Variants in DCN observed in about 807,000 individuals in gnomAD.
DCN encodes the protein decorin.
Under a neutral mutation model 36.5 loss-of-function variants are expected in DCN, and 17 were observed. That is an observed-to-expected ratio of 0.47 (90% CI 0.32 to 0.70). The LOEUF (loss-of-function observed/expected upper bound fraction) is 0.70. DCN is among the 30% of genes least tolerant of loss of function. The pLI, the probability that DCN is intolerant of heterozygous loss-of-function variation, is 0.04. For missense variants in DCN, 389 were observed against 430.1 expected, an observed-to-expected ratio of 0.90 and a Z score of 0.84; for synonymous variants, 163 against 161.4, an observed-to-expected ratio of 1.01 and a Z score of -0.07.
intron 4 of DCN, among the ~76,000 whole-genome samples, chr12:91,157,633 AT>A (rs34946830): frequency 1.1e-3 from 159 of 146,982 alleles, no homozygotes; most frequent in African/African-American, 2.1e-3. Context: ...GTTTAGAGAA[AT>A]TTTTTTTTTT....
chr12:91,160,067 TTAAC>T (rs1278606607), intron 3 of DCN, among the ~76,000 whole-genome samples: 3 of 152,244 alleles, frequency 2.0e-5, no homozygotes, highest in Non-Finnish European at 2.9e-5. Flanking sequence ...ACATAATCAT[TTAAC>T]TAATCCTGAA....
Position 91,164,678 on chromosome 12 carries a change from G to A in DCN, c.251C>T (p.Thr84Ile). The change falls in exon 3 of 8, where the codon ACT (threonine) becomes ATT (isoleucine). Residue 84 changes from threonine (T) to isoleucine (I), a missense_variant. Thr to Ile is a moderately conservative substitution (Grantham distance 89). Coordinates refer to ENST00000052754, the MANE Select transcript of DCN (RefSeq NM_001920.5). The stretch of plus-strand genomic sequence containing the variant: ...TTTGTTGTTTTGCAGGTCTAGCAGA[G>A]TTGTGTCAGGGGGAAGATCCTTTGG... ...KVPKDLPPDT[T>I]LLDLQNNKIT... 1 of 1,612,716 alleles carries A rather than the reference G, an allele frequency of 6.2e-7. No individual in the cohort carries two copies. Among genetic ancestry groups the A allele is most frequent in the Non-Finnish European group, 8.5e-7 (1 of 1,178,750 alleles).
At position 91,158,420 on chromosome 12, in the gene DCN, C is replaced by G; in HGVS notation, c.414G>C (p.Lys138Asn). 1 of 1,610,212 alleles carries G rather than the reference C, an allele frequency of 6.2e-7. No individual in the cohort carries two copies. The part of the protein sequence containing the change: ...LVKLERLYLS[K>N]NQLKELPEKM... Reference sequence around the variant, plus strand: ...TTTCTGGCAATTCCTTCAGCTGATTCTTGGACAGATAAAGTCGTTCCAACT... The same window carrying G: ...TTTCTGGCAATTCCTTCAGCTGATTGTTGGACAGATAAAGTCGTTCCAACT... The change falls in exon 4 of 8, where the codon AAG becomes AAC. Residue 138 changes from lysine to asparagine, a missense_variant. Physicochemically the swap from Lys to Asn is moderately conservative, Grantham distance 94. Coordinates refer to ENST00000052754, the MANE Select transcript of DCN (RefSeq NM_001920.5).
chr12:91,157,043 T>G (rs2121203472), intron 5 of DCN, 32 bp downstream of exon 5: 2 of 1,475,268 alleles, frequency 1.4e-6, no homozygotes, highest in East Asian at 2.3e-5. Flanking sequence ...GAATTTAAAT[T>G]TTTCAAAATG....
At chr12:91,148,604 T>A (rs1412426241) in intron 7 of DCN, among the ~76,000 whole-genome samples, 1 of 151,014 alleles carries the variant, frequency 6.6e-6, no homozygotes, top group African/African-American at 2.4e-5. Flanking sequence ...TAATCCCAGC[T>A]ACTCGGGAGG....
intron 2 of DCN, among the ~76,000 whole-genome samples, chr12:91,178,025 T>C (rs1220846432): frequency 6.6e-6 from 1 of 152,076 alleles, no homozygotes; most frequent in Non-Finnish European, 1.5e-5. Context: ...TTTTAGAACA[T>C]AAGACTTTTT....
At chr12:91,146,812 G>A (rs757103014) in intron 7 of DCN, among the ~76,000 whole-genome samples, 62 of 151,914 alleles carry the variant, frequency 4.1e-4, no homozygotes, top group Non-Finnish European at 7.6e-4. Flanking sequence ...CATTATCCTT[G>A]AGCTCCAATT....
intron 6 of DCN, among the ~76,000 whole-genome samples, 166 bp downstream of exon 6, chr12:91,152,930 T>C (rs967633171): frequency 6.6e-6 from 1 of 152,106 alleles, no homozygotes; most frequent in African/African-American, 2.4e-5. Flanking sequence ...ATTGGCTTCT[T>C]CTCAAGAAAT....
chr12:91,160,772 A>G (rs1199403918), intron 3 of DCN, among the ~76,000 whole-genome samples: 2 of 152,176 alleles, frequency 1.3e-5, no homozygotes, highest in African/African-American at 4.8e-5. Context: ...AATTAAAAAA[A>G]TTTTCCTTAC....
Position 91,151,876 on chromosome 12 carries a change from G to A in DCN, c.747-84C>T, listed in dbSNP as rs945216231. On this transcript the variant is annotated intron_variant, in intron 6 of 7. Transcript: ENST00000052754. ...ATTGTGTAGTTAATCAAGTCTATAG[G>A]AAAGGACATTTTTTGTTTTTGCACT... is the stretch of plus-strand genomic sequence containing the variant. 20 of 1,548,252 alleles carry A rather than the reference G, an allele frequency of 1.3e-5. 1 individual carries two copies. The Middle Eastern group carries it at 6.7e-4, about 52-fold the overall frequency.
intron 6 of DCN, among the ~76,000 whole-genome samples, chr12:91,152,726 A>G (rs1488061690): frequency 6.6e-6 from 1 of 152,148 alleles, no homozygotes; most frequent in East Asian, 1.9e-4. Flanking sequence ...TTTCATTTTA[A>G]TGGATTTTCA....
chr12:91,176,278 T>C (rs1883281694), intron 2 of DCN: 1 of 152,116 alleles, frequency 6.6e-6, no homozygotes, highest in Non-Finnish European at 1.5e-5. Context: ...AATATGGTTT[T>C]AAAAACAAAT....
rs779940278 is a variant in DCN, at chr12:91,143,474, C to T, written c.*2584G>A. On this transcript the variant is annotated 3_prime_UTR_variant, in exon 8 of 8. Transcript: ENST00000052754. Reference sequence around the variant, plus strand: ...GTTTGAAATGCAGAATCTCAGACCTCGATCCAGAACTGACACATAAGAATT... The same window carrying T: ...GTTTGAAATGCAGAATCTCAGACCTTGATCCAGAACTGACACATAAGAATT... 7.9e-5 allele frequency: 12 copies of T among 152,116 alleles called. No homozygotes were observed. Among genetic ancestry groups the T allele is most frequent in the Admixed American group, 2.0e-4 (3 of 15,268 alleles). The allele number at this position is 152,116 out of a possible 1,614,324, so 9.4% of individuals were successfully genotyped here.
chr12:91,160,481 T>C (rs1882090827), intron 3 of DCN, among the ~76,000 whole-genome samples: 3 of 152,082 alleles, frequency 2.0e-5, no homozygotes, highest in South Asian at 4.1e-4. Flanking sequence ...TTTTGGTGAC[T>C]GTTACATTTA....
intron 7 of DCN, 53 bp downstream of exon 7, chr12:91,151,601 G>A (rs1206194125): frequency 1.9e-6 from 3 of 1,608,178 alleles, no homozygotes; most frequent in Non-Finnish European, 2.6e-6. Flanking sequence ...CATAAGCAGG[G>A]TGGGGGTCTT....
At chr12:91,156,563 T>C (rs191723964) in intron 5 of DCN, among the ~76,000 whole-genome samples, 41 of 152,214 alleles carry the variant, frequency 2.7e-4, no homozygotes, top group Admixed American at 2.7e-3. Context: ...ATCTACACTC[T>C]TCACAACACA....
In DCN at chr12:91,146,007, T is replaced by C. The variant is rs1803343; in HGVS notation, c.*51A>G. ...CTAGCTTTTATTTATTTTTTAGCAA[T>C]GACATTAACAAGATTTTGCCAGGTT... On this transcript the variant is annotated 3_prime_UTR_variant, in exon 8 of 8. Transcript: ENST00000052754. The C allele has an allele frequency of 0.022, 31,518 of 1,404,532 alleles. 567 individuals carry two copies. Among genetic ancestry groups the C allele is most frequent in the Admixed American group, 0.081 (4,813 of 59,672 alleles). The allele number at this position is 1,404,532 out of a possible 1,614,324, so 87.0% of individuals were successfully genotyped here. A position where few individuals can be genotyped will look rare whatever the true frequency, so the allele number is the denominator to read the frequency against.
chr12:91,161,149 A>G (rs1157108401), intron 3 of DCN, among the ~76,000 whole-genome samples: 1 of 152,226 alleles, frequency 6.6e-6, no homozygotes, highest in Non-Finnish European at 1.5e-5. Flanking sequence ...AACTCTCTTT[A>G]TTCATCTGAT....
At chr12:91,148,305 C>T (rs1881168658) in intron 7 of DCN, among the ~76,000 whole-genome samples, 1 of 152,172 alleles carries the variant, frequency 6.6e-6, no homozygotes, top group South Asian at 2.1e-4. Flanking sequence ...GATCTCCTGA[C>T]ATCGTGATCC....
Sources: gnomAD v4.1 joint callset for allele counts (sites outside exome capture counted in the v4.1 genomes callset) on GRCh38, gnomAD v4.1.1 for gene constraint, MANE v1.5 for transcripts, NCBI Gene and HGNC (gene_info 2026-07-23, HGNC 2026-07-21) for gene names.